The following FRMD3 variants were observed in gnomAD, a reference collection of about 807,000 sequenced individuals.
FRMD3 encodes FERM domain containing 3, also known as FERM domain-containing protein 3.
Under a neutral mutation model 70.2 loss-of-function variants are expected in FRMD3, and 33 were observed. That is an observed-to-expected ratio of 0.47 (90% confidence interval 0.36 to 0.63). The LOEUF is 0.63. Ranked by LOEUF, FRMD3 falls within the 20% of genes least tolerant of loss-of-function variation. The pLI is 0.00. For missense variants in FRMD3, 632 were observed against 711.4 expected (o/e 0.89, Z 1.27); for synonymous variants, 279 against 255.9 (o/e 1.09, Z -0.86).
intron 1 of FRMD3, among the ~76,000 whole-genome samples, chr9:83,533,863 CTA>C (rs974236004): frequency 6.6e-6 from 1 of 152,172 alleles, no homozygotes; most frequent in African/African-American, 2.4e-5. Flanking sequence ...CCAATTCCAA[CTA>C]TGTCAGCCAT....
chr9:83,450,347 G>GTTTTTTTTTTTTTTTT (rs763340189), intron 1 of FRMD3, among the ~76,000 whole-genome samples: 1 of 111,600 alleles, frequency 9.0e-6, no homozygotes, highest in African/African-American at 3.4e-5. Context: ...GTCACCCTCA[G>GTTTTTTTTTTTTTTTT]TTTTTTTTTT....
At chr9:83,272,904 C>G in intron 13 of FRMD3, among the ~76,000 whole-genome samples, 1 of 150,320 alleles carries the variant, frequency 6.7e-6, no homozygotes, top group African/African-American at 2.5e-5. Flanking sequence ...CTCCGCCCGG[C>G]AGCCGCCCCG....
the FRMD3 span, among the ~76,000 whole-genome samples, chr9:83,580,983 C>T: frequency 6.6e-6 from 1 of 151,692 alleles, no homozygotes; most frequent in African/African-American, 2.4e-5. Flanking sequence ...GAGAGGGAGG[C>T]TAGATCAAAC....
intron 3 of FRMD3, among the ~76,000 whole-genome samples, chr9:83,355,420 T>C (rs528925689): frequency 6.6e-6 from 1 of 152,144 alleles, no homozygotes; most frequent in Non-Finnish European, 1.5e-5. Flanking sequence ...CCTGGCCCTG[T>C]CTAATGTGGT....
intron 1 of FRMD3, among the ~76,000 whole-genome samples, chr9:83,528,189 G>GT: frequency 1.3e-5 from 2 of 152,236 alleles, no homozygotes; most frequent in Admixed American, 1.3e-4. Context: ...AATTATTAGA[G>GT]TTTAAAAAGT....
intron 1 of FRMD3, chr9:83,467,482 C>T (rs1828159260): frequency 2.9e-6 from 2 of 696,650 alleles, no homozygotes; most frequent in East Asian, 5.4e-5. Context: ...ACAAAAGAGA[C>T]CCTCCCGAAT....
At chr9:83,332,397 TC>T (rs1823412742) in intron 6 of FRMD3, among the ~76,000 whole-genome samples, 2 of 151,356 alleles carry the variant, frequency 1.3e-5, no homozygotes, top group Admixed American at 1.3e-4. Context: ...TCTCTCTCTC[TC>T]CCCCCACCAT....
chr9:83,306,370 G>C (rs1217859483), intron 10 of FRMD3, among the ~76,000 whole-genome samples: 2 of 152,154 alleles, frequency 1.3e-5, no homozygotes, highest in African/African-American at 4.8e-5. Context: ...AGCCATCCGT[G>C]TCTGGCCTCA....
chr9:83,391,507 T>C (rs1417674624), intron 1 of FRMD3, among the ~76,000 whole-genome samples: 3 of 152,208 alleles, frequency 2.0e-5, no homozygotes, highest in African/African-American at 4.8e-5. Flanking sequence ...ATTCCAGATA[T>C]GTGGGTCAAG....
chr9:83,272,942 G>C (rs1414716140), intron 13 of FRMD3, among the ~76,000 whole-genome samples: 1 of 147,990 alleles, frequency 6.8e-6, no homozygotes, highest in Non-Finnish European at 1.5e-5. Context: ...CCCTCCGCCC[G>C]GCAGCCGCCC....
chr9:83,430,027 C>T (rs908062912), intron 1 of FRMD3, among the ~76,000 whole-genome samples: 2 of 152,214 alleles, frequency 1.3e-5, no homozygotes, highest in Non-Finnish European at 2.9e-5. Context: ...TCATCATGAA[C>T]TCCTTTGTTC....
chr9:83,379,945 G>T (rs1825306034), intron 2 of FRMD3, among the ~76,000 whole-genome samples: 2 of 152,066 alleles, frequency 1.3e-5, no homozygotes, highest in South Asian at 4.1e-4. Context: ...ACACTTGCTT[G>T]GCCTCCTTCG....
the FRMD3 span, among the ~76,000 whole-genome samples, chr9:83,567,804 C>T: frequency 1.3e-5 from 2 of 152,190 alleles, no homozygotes; most frequent in Admixed American, 6.5e-5. Flanking sequence ...TTGTTCATAT[C>T]ACTATCAGCA....
intron 1 of FRMD3, among the ~76,000 whole-genome samples, chr9:83,475,624 A>G (rs1004869282): frequency 1.3e-5 from 2 of 152,166 alleles, no homozygotes; most frequent in Admixed American, 6.5e-5. Flanking sequence ...AAATTTGAGG[A>G]AAAAAATTCA....
chr9:83,583,038 AT>A, the FRMD3 span, among the ~76,000 whole-genome samples: 2 of 152,230 alleles, frequency 1.3e-5, no homozygotes, highest in African/African-American at 4.8e-5. Context: ...TCCAGATGAT[AT>A]TTAAGATCTT....
the FRMD3 span, among the ~76,000 whole-genome samples, chr9:83,543,891 G>A: frequency 4.0e-5 from 6 of 150,990 alleles, no homozygotes; most frequent in African/African-American, 1.5e-4. Flanking sequence ...CTTGGGCCTG[G>A]TAATGGAGAT....
intron 13 of FRMD3, among the ~76,000 whole-genome samples, chr9:83,289,588 T>C (rs1217656655): frequency 6.6e-6 from 1 of 152,226 alleles, no homozygotes. Flanking sequence ...TATTATAGAC[T>C]AAGAAGTTTT....
intron 1 of FRMD3, among the ~76,000 whole-genome samples, chr9:83,450,230 G>GACAC (rs954614825): frequency 2.8e-5 from 4 of 141,714 alleles, no homozygotes; most frequent in Admixed American, 2.8e-4. Flanking sequence ...CACACACACA[G>GACAC]ACACACACAC....
upstream of FRMD3, among the ~76,000 whole-genome samples, chr9:83,539,982 T>C (rs1217328450): frequency 6.6e-6 from 1 of 152,154 alleles, no homozygotes; most frequent in South Asian, 2.1e-4. Flanking sequence ...AGATGTGGAT[T>C]TCATTCTTGG....
Sources: gnomAD v4.1 joint callset for allele counts (sites outside exome capture counted in the v4.1 genomes callset) on GRCh38, gnomAD v4.1.1 for gene constraint, MANE v1.5 for transcripts, NCBI Gene and HGNC (gene_info 2026-07-23, HGNC 2026-07-21) for gene names.